PRICKLE1: variants seen among roughly 807,000 people sequenced by gnomAD.
The protein encoded by PRICKLE1 is prickle-like protein 1.
A neutral mutation model predicts 70.2 loss-of-function variants in PRICKLE1; 14 were observed. The observed-to-expected ratio is 0.20, with a 90% confidence interval of 0.13 to 0.31. PRICKLE1 has a LOEUF of 0.31. PRICKLE1 is among the 10% of genes least tolerant of loss of function. PRICKLE1 has a pLI of 1.00. For synonymous variants in PRICKLE1, 357 were observed against 379.9 expected, an observed-to-expected ratio of 0.94 and a Z score of 0.70; for missense variants, 821 against 1,026.2, an observed-to-expected ratio of 0.80 and a Z score of 2.73.
chr12:42,588,828 T>C (rs1333665092), intron 1 of PRICKLE1, among the ~76,000 whole-genome samples: 5 of 152,220 alleles, frequency 3.3e-5, no homozygotes, highest in African/African-American at 1.2e-4. Context: ...TTAACAGCTT[T>C]CTGCTGCATC....
intron 1 of PRICKLE1, among the ~76,000 whole-genome samples, chr12:42,556,447 T>C (rs1940414384): frequency 6.6e-6 from 1 of 152,176 alleles, no homozygotes; most frequent in Non-Finnish European, 1.5e-5. Context: ...TCCCACCCTG[T>C]AAGGGAGGGA....
rs2083442449 is a variant in PRICKLE1, at chr12:42,456,831, A to G, written c.*2978T>C. On this transcript the variant is annotated 3_prime_UTR_variant, in exon 8 of 8. Coordinates refer to ENST00000345127, the MANE Select transcript of PRICKLE1 (RefSeq NM_153026.3). ...GGCAGTTGCTTCTTTCTTCCGTTGT[A>G]GATAGTCTTCTGTTATTGCTACAAA... The G allele has an allele frequency of 6.6e-6, 1 of 152,164 alleles. No individual in the cohort carries two copies. The highest frequency in any genetic ancestry group is 2.1e-4 in the South Asian group (1 of 4,826). The allele number at this position is 152,164 out of a possible 1,614,324, so 9.4% of individuals were successfully genotyped here.
intron 1 of PRICKLE1, among the ~76,000 whole-genome samples, chr12:42,491,325 G>A (rs1212890830): frequency 6.6e-6 from 1 of 150,638 alleles, no homozygotes; most frequent in African/African-American, 2.4e-5. Flanking sequence ...GGCCGAGGTG[G>A]GCGGATCACC....
intron 1 of PRICKLE1, among the ~76,000 whole-genome samples, chr12:42,496,184 A>T (rs1437066927): frequency 6.6e-6 from 1 of 152,252 alleles, no homozygotes. Context: ...GCATGAAAGC[A>T]ACACTAATCT....
chr12:42,483,890 C>T (rs780074084), intron 1 of PRICKLE1: 50 of 151,956 alleles, frequency 3.3e-4, no homozygotes, highest in African/African-American at 1.2e-3. Context: ...CCACTGCATC[C>T]CCCAAGCCCC....
intron 1 of PRICKLE1, among the ~76,000 whole-genome samples, chr12:42,566,716 C>T (rs983636256): frequency 3.3e-5 from 5 of 152,174 alleles, no homozygotes; most frequent in African/African-American, 9.7e-5. Context: ...CACCCTCCTT[C>T]CATTCATCAA....
chr12:42,482,619 G>A (rs1036625135), intron 1 of PRICKLE1, among the ~76,000 whole-genome samples: 3 of 152,186 alleles, frequency 2.0e-5, no homozygotes, highest in African/African-American at 7.2e-5. Context: ...TTTGAAACAA[G>A]TTTCCAGAGA....
intron 1 of PRICKLE1, among the ~76,000 whole-genome samples, chr12:42,517,911 T>C (rs2120448894): frequency 6.6e-6 from 1 of 152,066 alleles, no homozygotes; most frequent in South Asian, 2.1e-4. Flanking sequence ...TAGATAGGCA[T>C]GCATTTATCG....
At chr12:42,477,060 T>C (rs1244051502) in intron 1 of PRICKLE1, among the ~76,000 whole-genome samples, 1 of 151,472 alleles carries the variant, frequency 6.6e-6, no homozygotes, top group Non-Finnish European at 1.5e-5. Flanking sequence ...CTTACGCTTG[T>C]AAAAAGTTAC....
At chr12:42,555,563 T>G (rs1485625022) in intron 1 of PRICKLE1, among the ~76,000 whole-genome samples, 1 of 152,204 alleles carries the variant, frequency 6.6e-6, no homozygotes, top group Non-Finnish European at 1.5e-5. Context: ...CTTTTTCTTA[T>G]AAGGGAACAC....
At chr12:42,527,955 ATATATATATATATATATCTCCAAAGTTT>A (rs1939840289) in intron 1 of PRICKLE1, among the ~76,000 whole-genome samples, 13 of 36,512 alleles carry the variant, frequency 3.6e-4, no homozygotes, top group South Asian at 9.8e-4. Context: ...ATATATATAT[ATATATATATATATATATCTCCAAAGTTT>A]TATATACTAT....
intron 4 of PRICKLE1, 88 bp downstream of exon 4, chr12:42,469,362 A>G: frequency 6.6e-7 from 1 of 1,516,694 alleles, no homozygotes; most frequent in Middle Eastern, 2.2e-4. Flanking sequence ...CAGGACCCAC[A>G]CCTCTGCTAG....
chr12:42,466,655 TG>T (rs376823365), intron 5 of PRICKLE1, among the ~76,000 whole-genome samples: 176 of 152,374 alleles, frequency 1.2e-3, no homozygotes, highest in African/African-American at 4.0e-3. Context: ...GTAATTCATT[TG>T]GTCATATTTT....
At position 42,521,680 on chromosome 12, in the gene PRICKLE1, G is replaced by T. The variant is rs573193578; in HGVS notation, c.-48-49116C>A. On this transcript the variant is annotated intron_variant, in intron 1 of 7. Transcript: ENST00000345127. The stretch of plus-strand genomic sequence containing the variant: ...TGCACCACTGCACTCCAGCTTGGGT[G>T]ACAGAGTGAGACCTTGTCTCAAAAA... Among the ~76,000 whole-genome samples, 8 of 151,918 alleles carry T rather than the reference G, an allele frequency of 5.3e-5. No individual in the cohort carries two copies. The East Asian group carries it at 1.5e-3, about 29-fold the overall frequency.
intron 1 of PRICKLE1, among the ~76,000 whole-genome samples, chr12:42,565,054 A>T (rs1435681535): frequency 6.6e-6 from 1 of 152,244 alleles, no homozygotes; most frequent in African/African-American, 2.4e-5. Flanking sequence ...GTAATCAAGG[A>T]CAATTAACAA....
At chr12:42,532,176 A>G (rs993248659) in intron 1 of PRICKLE1, among the ~76,000 whole-genome samples, 3 of 152,194 alleles carry the variant, frequency 2.0e-5, no homozygotes, top group Non-Finnish European at 4.4e-5. Flanking sequence ...AAAAATAAAT[A>G]AAGAAAGAAA....
intron 3 of PRICKLE1, chr12:42,470,000 T>G (rs1335529887): frequency 1.9e-6 from 1 of 517,934 alleles, no homozygotes; most frequent in East Asian, 3.6e-5. Flanking sequence ...AATTTGTAGG[T>G]TCCTGATCAT....
chr12:42,459,451 C>T lies in PRICKLE1; in HGVS notation c.*358G>A. 1.5e-6 allele frequency: 1 copy of T among 684,028 alleles called. No homozygotes were observed. Among genetic ancestry groups the T allele is most frequent in the South Asian group, 1.5e-5 (1 of 64,716 alleles). The allele number at this position is 684,028 out of a possible 1,614,324, so 42.4% of individuals were successfully genotyped here. ...CTTACATAAATGACAAACACTAGTG[C>T]TTTACAAAGGTGGCTGGAGTTCTCC... On this transcript the variant is annotated 3_prime_UTR_variant, in exon 8 of 8. Transcript: ENST00000345127.
chr12:42,499,315 T>G (rs947915584), intron 1 of PRICKLE1, among the ~76,000 whole-genome samples: 2 of 152,248 alleles, frequency 1.3e-5, no homozygotes, highest in Non-Finnish European at 2.9e-5. Flanking sequence ...ATGCTCTAAA[T>G]GACTATTTGT....
Sources: gnomAD v4.1 joint callset for allele counts (sites outside exome capture counted in the v4.1 genomes callset) on GRCh38, gnomAD v4.1.1 for gene constraint, MANE v1.5 for transcripts, NCBI Gene and HGNC (gene_info 2026-07-23, HGNC 2026-07-21) for gene names.